Variants in CDH2 observed in about 807,000 individuals in gnomAD.
The protein encoded by CDH2 is cadherin-2.
CDH2 carries 17 observed loss-of-function variants against 92.0 expected under a neutral mutation model. The ratio of observed to expected loss-of-function variants is 0.18; its 90% confidence interval spans 0.13 to 0.28. The LOEUF (loss-of-function observed/expected upper bound fraction) is 0.28. Ranked by LOEUF, CDH2 falls within the 10% of genes least tolerant of loss-of-function variation. CDH2 has a pLI of 1.00. For synonymous variants in CDH2, 419 were observed against 415.9 expected, an observed-to-expected ratio of 1.01 and a Z score of -0.09; for missense variants, 862 against 1,133.1, an observed-to-expected ratio of 0.76 and a Z score of 3.44.
chr18:27,946,630 G>A (rs1339155326), downstream of CDH2, among the ~76,000 whole-genome samples: 2 of 151,942 alleles, frequency 1.3e-5, no homozygotes, highest in Non-Finnish European at 2.9e-5. Context: ...AGGAAAAATG[G>A]CAATCTTCCT....
At chr18:28,034,235 G>A (rs1416056131) in intron 2 of CDH2, among the ~76,000 whole-genome samples, 4 of 151,780 alleles carry the variant, frequency 2.6e-5, no homozygotes, top group South Asian at 2.1e-4. Flanking sequence ...TATCTCATAC[G>A]GCACTAAAAC....
chr18:28,130,940 C>T (rs1350820756), intron 2 of CDH2, among the ~76,000 whole-genome samples: 6 of 152,096 alleles, frequency 3.9e-5, no homozygotes, highest in Non-Finnish European at 4.4e-5. Context: ...AATCAGACAC[C>T]ACATGCATGG....
At chr18:28,092,421 G>A (rs1317770966) in intron 2 of CDH2, among the ~76,000 whole-genome samples, 5 of 151,966 alleles carry the variant, frequency 3.3e-5, no homozygotes, top group Non-Finnish European at 7.4e-5. Context: ...CAGAGGAAAA[G>A]TAGCACACAT....
chr18:27,953,694 CTG>C (rs1277242692), intron 15 of CDH2, among the ~76,000 whole-genome samples: 2 of 152,084 alleles, frequency 1.3e-5, no homozygotes, highest in African/African-American at 4.8e-5. Context: ...AGAGATCAGA[CTG>C]TGAGATGACA....
At chr18:28,023,860 T>C (rs1567968650) in intron 2 of CDH2, among the ~76,000 whole-genome samples, 2 of 152,188 alleles carry the variant, frequency 1.3e-5, no homozygotes, top group Admixed American at 6.5e-5. Flanking sequence ...CCTGTTCTGA[T>C]AGCATTATGC....
In CDH2 at chr18:28,177,084, A is replaced by AGGAGGAGGCAGCGGCAGC. The variant is rs1568029001; in HGVS notation, c.-63_-62insGCTGCCGCTGCCTCCTCC. ...GCGGCGGCGGCGGCGGCGGCGGCGG[A>AGGAGGAGGCAGCGGCAGC]GGAGGAGGAGGCAGCGGCAGCACCA... On this transcript the variant is annotated 5_prime_UTR_variant, in exon 1 of 16. Coordinates refer to ENST00000269141, the MANE Select transcript of CDH2 (RefSeq NM_001792.5). 26 of 1,019,242 alleles carry AGGAGGAGGCAGCGGCAGC rather than the reference A, an allele frequency of 2.6e-5. No homozygotes were observed. Among genetic ancestry groups the AGGAGGAGGCAGCGGCAGC allele is most frequent in the Non-Finnish European group, 3.3e-5 (24 of 736,496 alleles). 63.1% of individuals were successfully genotyped at this position (1,019,242 alleles called of 1,614,324 possible).
At chr18:27,938,842 G>C (rs941463072) in intron 6 of CDH2, among the ~76,000 whole-genome samples, 2 of 152,110 alleles carry the variant, frequency 1.3e-5, no homozygotes, top group African/African-American at 4.8e-5. Context: ...GAAGCATGCA[G>C]GTATAAGCAA....
At chr18:28,053,427 C>T (rs2014231359) in intron 2 of CDH2, among the ~76,000 whole-genome samples, 1 of 152,062 alleles carries the variant, frequency 6.6e-6, no homozygotes, top group Non-Finnish European at 1.5e-5. Context: ...ATTTACCTGT[C>T]ACATGTTAAA....
At chr18:28,025,586 A>G (rs572106498) in intron 2 of CDH2, among the ~76,000 whole-genome samples, 8 of 150,390 alleles carry the variant, frequency 5.3e-5, no homozygotes, top group African/African-American at 1.9e-4. Context: ...AGAGCAAGCC[A>G]TAAGAGTAAA....
At chr18:27,998,876 G>A (rs2012673570) in intron 7 of CDH2, among the ~76,000 whole-genome samples, 1 of 152,214 alleles carries the variant, frequency 6.6e-6, no homozygotes, top group South Asian at 2.1e-4. Context: ...TGCCTTGAGT[G>A]CTGGGTGCCC....
intron 2 of CDH2, among the ~76,000 whole-genome samples, chr18:28,039,663 A>G (rs912409543): frequency 5.9e-5 from 9 of 152,132 alleles, no homozygotes; most frequent in Non-Finnish European, 1.3e-4. Flanking sequence ...ATCAGTGCCA[A>G]GTCAGGATTT....
intron 2 of CDH2, among the ~76,000 whole-genome samples, chr18:28,023,742 A>G (rs948370090): frequency 1.3e-5 from 2 of 152,202 alleles, no homozygotes; most frequent in African/African-American, 4.8e-5. Flanking sequence ...TAAAAAGTCT[A>G]TTAGCAATTA....
At chr18:28,150,127 T>C (rs2016098160) in intron 1 of CDH2, among the ~76,000 whole-genome samples, 1 of 152,194 alleles carries the variant, frequency 6.6e-6, no homozygotes, top group Admixed American at 6.5e-5. Flanking sequence ...TGTAAACCTG[T>C]GTCCCACCAA....
chr18:28,153,536 G>T (rs542885752), intron 1 of CDH2, among the ~76,000 whole-genome samples: 3 of 152,170 alleles, frequency 2.0e-5, no homozygotes, highest in Non-Finnish European at 4.4e-5. Context: ...TCTGCCCAGG[G>T]GCAACACCCC....
Position 28,003,815 on chromosome 18 carries a change from C to A in CDH2, c.848-646G>T, listed in dbSNP as rs184299691. On this transcript the variant is annotated intron_variant, in intron 6 of 15. Coordinates refer to ENST00000269141, the MANE Select transcript of CDH2 (RefSeq NM_001792.5). The stretch of plus-strand genomic sequence containing the variant: ...TTATTAGATATTTTGGAAAAGAAAT[C>A]TTCAAAGCCTTTGTATCGAATTAGT... 1.5e-3 allele frequency among the ~76,000 whole-genome samples: 221 copies of A among 152,324 alleles called. 3 individuals are homozygous for A. In the South Asian group the frequency reaches 0.015, roughly 11 times the overall value.
At chr18:28,174,333 C>G (rs992997661) in intron 1 of CDH2, among the ~76,000 whole-genome samples, 12 of 152,094 alleles carry the variant, frequency 7.9e-5, no homozygotes, top group African/African-American at 2.9e-4. Context: ...CTTTGTTGTT[C>G]GGGCGTGTAA....
At chr18:28,086,956 A>G (rs1475673312) in intron 2 of CDH2, among the ~76,000 whole-genome samples, 2 of 152,156 alleles carry the variant, frequency 1.3e-5, no homozygotes, top group Admixed American at 6.5e-5. Flanking sequence ...CAGGCCTCCT[A>G]CTTTGCATAC....
At chr18:28,110,149 C>G (rs910918341) in intron 2 of CDH2, among the ~76,000 whole-genome samples, 18 of 152,198 alleles carry the variant, frequency 1.2e-4, no homozygotes, top group Admixed American at 7.9e-4. Context: ...AGAACACACT[C>G]ATGCTGTACT....
chr18:27,985,341 G>T (rs2012195659), intron 12 of CDH2, 108 bp from the exon 13 acceptor site: 4 of 792,630 alleles, frequency 5.0e-6, no homozygotes, highest in Non-Finnish European at 8.1e-6. Context: ...ACATAAAGCG[G>T]ATTACAACTA....
Sources: gnomAD v4.1 joint callset for allele counts (sites outside exome capture counted in the v4.1 genomes callset) on GRCh38, gnomAD v4.1.1 for gene constraint, MANE v1.5 for transcripts, NCBI Gene and HGNC (gene_info 2026-07-23, HGNC 2026-07-21) for gene names.